Variants in TMCO4 observed in about 807,000 individuals in gnomAD.
The protein encoded by TMCO4 is transmembrane and coiled-coil domains 4.
TMCO4 carries 58 observed loss-of-function variants against 64.7 expected under a neutral mutation model. The observed-to-expected ratio is 0.90, with a 90% confidence interval of 0.73 to 1.12. TMCO4 has a LOEUF of 1.12. TMCO4 is among the 50% of genes most tolerant of loss of function. TMCO4 has a pLI of 0.00. For synonymous variants in TMCO4, 325 were observed against 346.1 expected (o/e 0.94, Z 0.68); for missense variants, 780 against 825.9 (o/e 0.94, Z 0.68).
At chr1:19,686,702 A>G (rs555707884) in intron 15 of TMCO4, among the ~76,000 whole-genome samples, 1 of 152,302 alleles carries the variant, frequency 6.6e-6, no homozygotes, top group East Asian at 1.9e-4. Context: ...TAGTGGCTGC[A>G]GGGCCTGAGA....
chr1:19,684,430 C>A (rs2100505146), intron 15 of TMCO4, among the ~76,000 whole-genome samples: 1 of 152,188 alleles, frequency 6.6e-6, no homozygotes, highest in South Asian at 2.1e-4. Flanking sequence ...CCAGCTGATG[C>A]CTGCAGCTCT....
chr1:19,799,268 G>A (rs1261272133), intron 1 of TMCO4: 1 of 152,356 alleles, frequency 6.6e-6, no homozygotes, highest in Non-Finnish European at 1.5e-5. Context: ...GGCACCAGAA[G>A]ACATGGCCTC....
intron 13 of TMCO4, among the ~76,000 whole-genome samples, chr1:19,717,425 T>C (rs2095361867): frequency 1.3e-5 from 2 of 152,206 alleles, no homozygotes; most frequent in Non-Finnish European, 2.9e-5. Context: ...ATTTGCTGGC[T>C]GATAGATCAA....
chr1:19,772,072 G>A (rs1375515749), intron 4 of TMCO4, among the ~76,000 whole-genome samples: 1 of 152,188 alleles, frequency 6.6e-6, no homozygotes, highest in Non-Finnish European at 1.5e-5. Flanking sequence ...GGCCTGGGCT[G>A]TGCCAGGGGC....
chr1:19,755,913 G>T, intron 6 of TMCO4, 147 bp from the exon 7 acceptor site: 1 of 913,110 alleles, frequency 1.1e-6, no homozygotes, highest in Non-Finnish European at 1.6e-6. Context: ...TGACACAGTT[G>T]CCTGGACAGA....
rs764528965 is a variant in TMCO4, at chr1:19,745,450, G to A, written c.877+82C>T. The A allele has an allele frequency of 5.6e-6, 9 of 1,598,984 alleles. No homozygotes were observed. In the Admixed American group the frequency reaches 1.4e-4, roughly 24 times the overall value. ...TGGGGCTCCCTATACCTGCTCCCTA[G>A]TGCAGGTAAAAACCTAGCCCAGGGT... On this transcript the variant is annotated intron_variant, in intron 10 of 15. Coordinates refer to ENST00000294543, the MANE Select transcript of TMCO4 (RefSeq NM_181719.7).
intron 13 of TMCO4, among the ~76,000 whole-genome samples, chr1:19,707,236 G>A (rs1437789320): frequency 6.6e-6 from 1 of 152,200 alleles, no homozygotes; most frequent in Non-Finnish European, 1.5e-5. Flanking sequence ...AGCTGTTTGG[G>A]TCATGGGGGT....
intron 13 of TMCO4, among the ~76,000 whole-genome samples, chr1:19,704,031 G>A (rs1319892438): frequency 6.6e-6 from 1 of 152,198 alleles, no homozygotes; most frequent in Non-Finnish European, 1.5e-5. Flanking sequence ...TCTAACCAGA[G>A]TGCTTTCAGT....
chr1:19,720,052 C>T (rs1488719963), intron 13 of TMCO4, among the ~76,000 whole-genome samples: 4 of 102,726 alleles, frequency 3.9e-5, no homozygotes, highest in East Asian at 2.6e-4. Flanking sequence ...GTTTTGTTGT[C>T]CAGGCTGGTC....
At chr1:19,706,207 G>C (rs997024955) in intron 13 of TMCO4, among the ~76,000 whole-genome samples, 28 of 152,182 alleles carry the variant, frequency 1.8e-4, no homozygotes, top group African/African-American at 6.8e-4. Context: ...ATCTGGCCCA[G>C]GTACCACTTG....
intron 9 of TMCO4, among the ~76,000 whole-genome samples, 190 bp downstream of exon 9, chr1:19,746,266 A>G (rs139390065): frequency 8.4e-4 from 128 of 152,292 alleles, no homozygotes; most frequent in African/African-American, 2.8e-3. Context: ...GGAAAAAGCC[A>G]GCTTCTCAAA....
intron 1 of TMCO4, among the ~76,000 whole-genome samples, chr1:19,799,553 A>G (rs1350196831): frequency 6.6e-6 from 1 of 152,218 alleles, no homozygotes; most frequent in Admixed American, 6.5e-5. Flanking sequence ...CCGAGGCCGG[A>G]GTCGCCCGAG....
In TMCO4 at chr1:19,682,511, A is replaced by C. The variant is rs1307688652; in HGVS notation, c.*529T>G. 1.5e-6 allele frequency: 1 copy of C among 686,940 alleles called. No individual in the cohort carries two copies. Among genetic ancestry groups the C allele is most frequent in the Non-Finnish European group, 2.7e-6 (1 of 369,494 alleles). The allele number at this position is 686,940 out of a possible 1,614,324, so 42.6% of individuals were successfully genotyped here. On this transcript the variant is annotated 3_prime_UTR_variant, in exon 16 of 16. Transcript: ENST00000294543. ...GGCAGATCTGATTGGATCTCCTAAG[A>C]GCAGGAGTGAGCTGCCTTCTTTGTA...
intron 13 of TMCO4, 160 bp from the exon 14 acceptor site, chr1:19,701,045 C>T (rs74056973): frequency 0.062 from 38,172 of 610,862 alleles, 1,451 homozygotes; most frequent in Admixed American, 0.11. Flanking sequence ...CACATGCAAA[C>T]ACGCAAACAT....
At chr1:19,702,530 G>C (rs2095280001) in intron 13 of TMCO4, among the ~76,000 whole-genome samples, 1 of 152,208 alleles carries the variant, frequency 6.6e-6, no homozygotes. Flanking sequence ...GGAGGCAGAG[G>C]TTGCAGTGAG....
chr1:19,695,551 C>G (rs1453140696), intron 14 of TMCO4, among the ~76,000 whole-genome samples: 3 of 152,230 alleles, frequency 2.0e-5, no homozygotes, highest in Non-Finnish European at 2.9e-5. Flanking sequence ...AAAGAAGGGT[C>G]CTCCCTCACT....
At chr1:19,772,988 G>A (rs916657034) in intron 4 of TMCO4, among the ~76,000 whole-genome samples, 2 of 152,070 alleles carry the variant, frequency 1.3e-5, no homozygotes, top group African/African-American at 2.4e-5. Flanking sequence ...TCAGGAGTTC[G>A]AGACCAGCCT....
chr1:19,693,621 C>G (rs1357760851), intron 15 of TMCO4, among the ~76,000 whole-genome samples: 3 of 152,216 alleles, frequency 2.0e-5, no homozygotes, highest in Non-Finnish European at 2.9e-5. Flanking sequence ...TGCATGGGAA[C>G]CCTTAGGAGT....
Position 19,737,441 on chromosome 1 carries a change from T to G in TMCO4, c.1195A>C (p.Thr399Pro). Residue 399 changes from threonine (T) to proline (P), a missense_variant, in exon 13 of 16, where the codon ACC becomes CCC. Transcript: ENST00000294543. ...GCTCCCAGGCTGAAGCCAATCAAGG[T>G]GACAGGTCGTCGCCCCTGAAGGGAA... is the stretch of plus-strand genomic sequence containing the variant. The part of the protein sequence containing the change: ...LSRQQGRRPV[T>P]LIGFSLGARV... The G allele has an allele frequency of 6.2e-7, 1 of 1,613,958 alleles. No homozygotes were observed. Among genetic ancestry groups the G allele is most frequent in the African/African-American group, 1.3e-5 (1 of 75,030 alleles).
Sources: allele counts gnomAD v4.1 joint callset (sites outside exome capture counted in the v4.1 genomes callset), GRCh38; gene constraint gnomAD v4.1.1; transcripts MANE v1.5; gene names NCBI Gene and HGNC (gene_info 2026-07-23, HGNC 2026-07-21).